ROBO2: variants seen among roughly 807,000 people sequenced by gnomAD.
ROBO2 encodes the protein roundabout guidance receptor 2.
A neutral mutation model predicts 160.8 loss-of-function variants in ROBO2; 53 were observed. That is an observed-to-expected ratio of 0.33 (90% confidence interval 0.26 to 0.41). The LOEUF (loss-of-function observed/expected upper bound fraction) is 0.41, where lower values mean the gene tolerates loss of function less well. ROBO2 is among the 10% of genes least tolerant of loss of function. ROBO2 has a pLI of 1.00. For missense variants in ROBO2, 1,577 were observed against 1,722.4 expected (o/e 0.92, Z 1.49); for synonymous variants, 664 against 611.7 (o/e 1.09, Z -1.26).
intron 2 of ROBO2, among the ~76,000 whole-genome samples, chr3:77,299,230 G>T (rs1383344024): frequency 6.6e-6 from 1 of 152,154 alleles, no homozygotes; most frequent in Non-Finnish European, 1.5e-5. Flanking sequence ...TGTTTAAACT[G>T]ACATTTAAAT....
intron 2 of ROBO2, among the ~76,000 whole-genome samples, chr3:76,122,961 T>A (rs1330819070): frequency 9.9e-5 from 15 of 151,910 alleles, no homozygotes; most frequent in East Asian, 7.7e-4. Context: ...GTTAGCCAGG[T>A]TGGTCTTGAT....
At chr3:76,489,838 T>C (rs932737283) in intron 2 of ROBO2, among the ~76,000 whole-genome samples, 5 of 152,052 alleles carry the variant, frequency 3.3e-5, no homozygotes, top group African/African-American at 1.2e-4. Context: ...TTTAATGAGG[T>C]ATTTTTGCAC....
intron 2 of ROBO2, among the ~76,000 whole-genome samples, chr3:76,753,455 A>G (rs116138373): frequency 0.014 from 2,088 of 151,986 alleles, 54 homozygotes; most frequent in African/African-American, 0.048. Context: ...ATTTCAAACT[A>G]CAAATATACA....
intron 2 of ROBO2, among the ~76,000 whole-genome samples, chr3:76,401,889 A>C (rs1467419230): frequency 6.6e-6 from 1 of 151,566 alleles, no homozygotes; most frequent in African/African-American, 2.4e-5. Flanking sequence ...AAGTGAATTC[A>C]TCATAGCCTA....
intron 2 of ROBO2, among the ~76,000 whole-genome samples, chr3:77,476,737 C>G (rs903106059): frequency 6.6e-6 from 1 of 152,058 alleles, no homozygotes. Flanking sequence ...TGCTGTTCTC[C>G]TTAATGAAAG....
intron 15 of ROBO2, among the ~76,000 whole-genome samples, chr3:77,578,105 CT>C (rs200504191): frequency 0.01 from 1,566 of 151,954 alleles, 70 homozygotes; most frequent in Admixed American, 0.092. Context: ...AATATTTCAC[CT>C]GAAAAAAAGC....
chr3:77,546,354 G>T (rs2092698561), exon 7 of ROBO2: 3 of 1,612,866 alleles, frequency 1.9e-6, no homozygotes, highest in Admixed American at 3.3e-5. Context: ...CACAGTTTGT[G>T]GTTCGGCCAA....
intron 2 of ROBO2, among the ~76,000 whole-genome samples, chr3:76,915,671 CAAAA>C (rs372827394): frequency 2.1e-5 from 2 of 96,514 alleles, no homozygotes. Context: ...CTCTCGCTCT[CAAAA>C]AAAAAAAAAA....
intron 2 of ROBO2, among the ~76,000 whole-genome samples, chr3:77,380,116 T>C (rs2073244684): frequency 6.6e-6 from 1 of 152,204 alleles, no homozygotes; most frequent in African/African-American, 2.4e-5. Context: ...CTAATATTAA[T>C]GTGTGAAACA....
intron 2 of ROBO2, among the ~76,000 whole-genome samples, chr3:76,732,944 C>T (rs1417345260): frequency 2.9e-5 from 4 of 139,714 alleles, no homozygotes; most frequent in African/African-American, 8.2e-5. Context: ...CCTTATGGCC[C>T]TGAAGTGTTC....
intron 2 of ROBO2, among the ~76,000 whole-genome samples, chr3:77,156,501 A>G (rs965536629): frequency 3.9e-5 from 6 of 152,010 alleles, no homozygotes; most frequent in African/African-American, 1.4e-4. Context: ...TGTCATACAT[A>G]TTAGTTATTT....
chr3:76,174,148 G>A lies in ROBO2; in HGVS notation c.109+236546G>A, dbSNP rs139252638. Among the ~76,000 whole-genome samples the A allele has an allele frequency of 9.0e-4, 137 of 152,246 alleles. 1 individual carries two copies. In the East Asian group the frequency reaches 0.021, roughly 24 times the overall value. On this transcript the variant is annotated intron_variant, in intron 2 of 26. Transcript: ENST00000487694. Reference sequence around the variant, plus strand: ...GCTTTTTTTCATATGGTTGTTGGTCGAATAACTGTCTTCTTTTGAGAAGTT... The same window carrying A: ...GCTTTTTTTCATATGGTTGTTGGTCAAATAACTGTCTTCTTTTGAGAAGTT...
At position 77,087,202 on chromosome 3, in the gene ROBO2, A is replaced by G. The variant is rs180992018; in HGVS notation, c.62-10812A>G. Among the ~76,000 whole-genome samples, 361 of 152,310 alleles carry G rather than the reference A, an allele frequency of 2.4e-3. 2 individuals are homozygous for G. Among genetic ancestry groups the G allele is most frequent in the Middle Eastern group, 6.8e-3 (2 of 294 alleles). On this transcript the variant is annotated intron_variant, in intron 1 of 25. Transcript: ENST00000461745. ...TTAAGTAAAATCCCCTTTTCTGGAG[A>G]CACACTCATAGTCTTCATTAAATAA... is the stretch of plus-strand genomic sequence containing the variant.
chr3:77,332,692 G>A (rs1216186086), intron 2 of ROBO2, among the ~76,000 whole-genome samples: 4 of 152,034 alleles, frequency 2.6e-5, no homozygotes, highest in Non-Finnish European at 2.9e-5. Flanking sequence ...GTGTAATTAG[G>A]CATTAATTCC....
intron 2 of ROBO2, among the ~76,000 whole-genome samples, chr3:76,155,154 A>G (rs919246481): frequency 6.6e-6 from 1 of 152,206 alleles, no homozygotes; most frequent in Non-Finnish European, 1.5e-5. Flanking sequence ...TGTCAAAATT[A>G]GAATGTTGCT....
Position 77,572,785 on chromosome 3 carries a change from A to T in ROBO2, c.1972-1714A>T. ...TCTAAAGCCAATATTTTTAGCTAAC[A>T]TTCATTTGTTGCCCCCAATTAAAAA... On this transcript the variant is annotated intron_variant, in intron 13 of 25. Coordinates refer to ENST00000461745, the Ensembl canonical transcript of ROBO2. Among the ~76,000 whole-genome samples, 2 of 151,970 alleles carry T rather than the reference A, an allele frequency of 1.3e-5. 1 individual carries two copies. Among genetic ancestry groups the T allele is most frequent in the African/African-American group, 4.8e-5 (2 of 41,418 alleles).
At chr3:76,035,189 CTT>C (rs34206603) in intron 2 of ROBO2, among the ~76,000 whole-genome samples, 62 of 143,074 alleles carry the variant, frequency 4.3e-4, no homozygotes, top group African/African-American at 6.0e-4. Flanking sequence ...GTAAATATAT[CTT>C]TTTTTTTTTT....
In ROBO2 at chr3:77,241,581, TA is replaced by T. The variant is rs1239860216; in HGVS notation, c.388+143247del. 2.0e-5 allele frequency among the ~76,000 whole-genome samples: 3 copies of T among 152,110 alleles called. No individual in the cohort carries two copies. The East Asian group carries it at 5.8e-4, about 29-fold the overall frequency. On this transcript the variant is annotated intron_variant, in intron 2 of 25. Transcript: ENST00000461745. Reference sequence around the variant, plus strand: ...ATCTGATAAGAATGGTACTGATAAATAAAAAACAACATGCACTATCCATCTT... The same window carrying T: ...ATCTGATAAGAATGGTACTGATAAATAAAAACAACATGCACTATCCATCTT...
chr3:77,384,538 C>T (rs2073900029), intron 2 of ROBO2, among the ~76,000 whole-genome samples: 1 of 152,124 alleles, frequency 6.6e-6, no homozygotes, highest in African/African-American at 2.4e-5. Context: ...GAATGACAGC[C>T]TTCTAGTCTC....
Sources: gnomAD v4.1 joint callset for allele counts (sites outside exome capture counted in the v4.1 genomes callset) on GRCh38, gnomAD v4.1.1 for gene constraint, MANE v1.5 for transcripts, NCBI Gene and HGNC (gene_info 2026-07-23, HGNC 2026-07-21) for gene names.